Variants in EML1 observed in about 807,000 individuals in gnomAD.
EML1 encodes the protein echinoderm microtubule-associated protein-like 1.
A neutral mutation model predicts 110.4 loss-of-function variants in EML1; 27 were observed. That is an observed-to-expected ratio of 0.24 (90% CI 0.18 to 0.34). The LOEUF is 0.34. EML1 is among the 10% of genes least tolerant of loss of function. EML1 has a pLI of 1.00. For missense variants in EML1, 741 were observed against 1,030.9 expected, an observed-to-expected ratio of 0.72 and a Z score of 3.85; for synonymous variants, 344 against 385.8, an observed-to-expected ratio of 0.89 and a Z score of 1.27.
At chr14:99,857,611 T>A (rs1398553493) in intron 2 of EML1, among the ~76,000 whole-genome samples, 1 of 152,232 alleles carries the variant, frequency 6.6e-6, no homozygotes, top group East Asian at 1.9e-4. Context: ...TGGCAACTGC[T>A]AGTCTACATC....
At chr14:99,759,847 C>G (rs1286057213) in intron 1 of EML1, among the ~76,000 whole-genome samples, 5 of 152,140 alleles carry the variant, frequency 3.3e-5, no homozygotes, top group Admixed American at 3.3e-4. Flanking sequence ...GGCATGGTGG[C>G]TCACGCCTGT....
chr14:99,897,094 G>A, intron 6 of EML1, 51 bp from the exon 7 acceptor site: 1 of 1,445,492 alleles, frequency 6.9e-7, no homozygotes, highest in Non-Finnish European at 9.2e-7. Flanking sequence ...TAAAGCTGAT[G>A]TTTTGTCAGC....
intron 8 of EML1, 82 bp from the exon 9 acceptor site, chr14:99,900,847 C>T: frequency 2.5e-6 from 3 of 1,202,672 alleles, no homozygotes; most frequent in Non-Finnish European, 3.7e-6. Flanking sequence ...GAGTTACTGC[C>T]CAAGTAATCT....
rs921217094 is a variant in EML1, at chr14:99,907,737, A to T, written c.1104+4A>T. The stretch of plus-strand genomic sequence containing the variant: ...AGAAAAACTAGCAGATGTGAAGGTC[A>T]TGCTCCAAGCCTTTTTTGGGCTGCA... On this transcript the variant is annotated splice_donor_region_variant and intron_variant, in intron 10 of 21. Coordinates refer to ENST00000262233, the MANE Select transcript of EML1 (RefSeq NM_004434.3). The T allele has an allele frequency of 1.9e-6, 3 of 1,613,904 alleles. No homozygotes were observed. The highest frequency in any genetic ancestry group is 2.7e-5 in the African/African-American group (2 of 74,920).
intron 1 of EML1, among the ~76,000 whole-genome samples, chr14:99,832,779 T>C (rs750495263): frequency 6.6e-6 from 1 of 152,238 alleles, no homozygotes; most frequent in Non-Finnish European, 1.5e-5. Context: ...TTATCAGATA[T>C]GTGATTTGTA....
At chr14:99,908,040 C>T (rs547811233) in intron 10 of EML1, among the ~76,000 whole-genome samples, 1 of 152,248 alleles carries the variant, frequency 6.6e-6, no homozygotes, top group Admixed American at 6.5e-5. Context: ...TGGCACACCC[C>T]GAGTGCCTGC....
At chr14:99,901,610 C>T (rs533054085) in intron 9 of EML1, among the ~76,000 whole-genome samples, 2 of 152,286 alleles carry the variant, frequency 1.3e-5, no homozygotes, top group South Asian at 2.1e-4. Context: ...ATTATTCATG[C>T]CTCCCCTTTT....
intron 2 of EML1, among the ~76,000 whole-genome samples, chr14:99,858,026 A>C (rs1219422443): frequency 2.0e-5 from 3 of 152,210 alleles, no homozygotes; most frequent in Non-Finnish European, 2.9e-5. Context: ...TTTTAAAGTG[A>C]TGCAGTAAGA....
intron 1 of EML1, among the ~76,000 whole-genome samples, chr14:99,803,173 G>C (rs1467483190): frequency 1.3e-5 from 2 of 152,158 alleles, no homozygotes; most frequent in South Asian, 2.1e-4. Context: ...CCTGGTGAAA[G>C]GTGGTTGAAT....
intron 5 of EML1, among the ~76,000 whole-genome samples, chr14:99,893,241 T>A (rs751663656): frequency 2.3e-5 from 3 of 130,940 alleles, no homozygotes; most frequent in Non-Finnish European, 3.2e-5. Context: ...TGAAGAAGTT[T>A]ACATGGAGGA....
chr14:99,877,242 C>T (rs926543114), intron 3 of EML1, among the ~76,000 whole-genome samples: 1 of 152,032 alleles, frequency 6.6e-6, no homozygotes, highest in African/African-American at 2.4e-5. Flanking sequence ...GGCACTAATT[C>T]CACTCATGAG....
chr14:99,911,564 T>G lies in EML1; in HGVS notation c.1482T>G (p.Leu494=). The change falls in exon 13 of 22, where the codon CTT becomes CTG. Residue 494 remains leucine, a synonymous_variant. Coordinates refer to ENST00000262233, the MANE Select transcript of EML1 (RefSeq NM_004434.3). The part of the protein sequence containing the change: ...LISWSGNYQK[L]RKTEIPEQFG... ...CTTGGAGCGGAAACTATCAAAAACT[T>G]CGTAAAACGGAGGTAAGTCATCAAG... 2 of 1,612,526 alleles carry G rather than the reference T, an allele frequency of 1.2e-6. No homozygotes were observed. Among genetic ancestry groups the G allele is most frequent in the Non-Finnish European group, 1.7e-6 (2 of 1,179,768 alleles).
intron 17 of EML1, among the ~76,000 whole-genome samples, chr14:99,923,595 A>G (rs954873460): frequency 2.0e-5 from 3 of 152,182 alleles, no homozygotes; most frequent in Non-Finnish European, 4.4e-5. Context: ...TCAAAAATCA[A>G]TCGATCAGAA....
In EML1 at chr14:99,878,684, G is replaced by A; in HGVS notation, c.518+65G>A. 1.3e-6 allele frequency: 2 copies of A among 1,537,178 alleles called. 1 individual carries two copies. The highest frequency in any genetic ancestry group is 2.5e-5 in the South Asian group (2 of 78,474). ...TGTTAGTACGGCTTGTCCCCAGAGA[G>A]GAGTCAGAAGATCCCCTCATATTCC... On this transcript the variant is annotated intron_variant, in intron 4 of 21. Coordinates refer to ENST00000262233, the MANE Select transcript of EML1 (RefSeq NM_004434.3).
At chr14:99,935,880 G>A in intron 17 of EML1, 149 bp from the exon 18 acceptor site, 1 of 678,328 alleles carries the variant, frequency 1.5e-6, no homozygotes, top group Non-Finnish European at 2.5e-6. Flanking sequence ...AGTGGCAAAG[G>A]ATTCATTGAA....
chr14:99,898,445 T>C, intron 8 of EML1, 143 bp downstream of exon 8: 1 of 782,354 alleles, frequency 1.3e-6, no homozygotes, highest in Non-Finnish European at 1.9e-6. Context: ...GAATTTTTTA[T>C]TGTAAATTAG....
chr14:99,819,744 G>A (rs2058230626), intron 1 of EML1, among the ~76,000 whole-genome samples: 1 of 152,172 alleles, frequency 6.6e-6, no homozygotes, highest in African/African-American at 2.4e-5. Context: ...GGGGGAAAAG[G>A]CGGGTCTGCA....
intron 1 of EML1, among the ~76,000 whole-genome samples, chr14:99,815,139 C>CTTTTT (rs57894783): frequency 6.2e-5 from 6 of 96,362 alleles, no homozygotes; most frequent in Non-Finnish European, 1.0e-4. Context: ...TGAGGCTTGG[C>CTTTTT]TTTTTTTTTT....
chr14:99,741,632 C>A (rs996374573), intron 1 of EML1, among the ~76,000 whole-genome samples: 11 of 152,202 alleles, frequency 7.2e-5, no homozygotes, highest in Admixed American at 2.6e-4. Flanking sequence ...GCGCCCACCC[C>A]CCCCCAGACC....
Sources: allele counts gnomAD v4.1 joint callset (sites outside exome capture counted in the v4.1 genomes callset), GRCh38; gene constraint gnomAD v4.1.1; transcripts MANE v1.5; gene names NCBI Gene and HGNC (gene_info 2026-07-23, HGNC 2026-07-21).